CNTNAP4: variants seen among roughly 807,000 people sequenced by gnomAD.
CNTNAP4 encodes contactin associated protein family member 4.
CNTNAP4 carries 98 observed loss-of-function variants against 148.4 expected under a neutral mutation model. The observed-to-expected ratio is 0.66, with a 90% CI of 0.56 to 0.78. CNTNAP4 has a LOEUF of 0.78. Ranked by LOEUF, CNTNAP4 falls within the 30% of genes least tolerant of loss-of-function variation. CNTNAP4 has a pLI of 0.00. For missense variants in CNTNAP4, 1,935 were observed against 1,565.6 expected, an observed-to-expected ratio of 1.24 and a Z score of -3.98; for synonymous variants, 730 against 565.1, an observed-to-expected ratio of 1.29 and a Z score of -4.14.
chr16:76,320,040 G>A (rs746176703), intron 2 of CNTNAP4, among the ~76,000 whole-genome samples: 2 of 152,192 alleles, frequency 1.3e-5, no homozygotes, highest in African/African-American at 4.8e-5. Flanking sequence ...AAGGTTGGAA[G>A]AATTTTGAGG....
At chr16:76,334,190 TAA>T (rs1963815196) in intron 2 of CNTNAP4, among the ~76,000 whole-genome samples, 1 of 151,504 alleles carries the variant, frequency 6.6e-6, no homozygotes, top group South Asian at 2.1e-4. Flanking sequence ...ATAATAATAA[TAA>T]TAATAATAAT....
At chr16:76,460,470 A>G (rs2080898002) in intron 8 of CNTNAP4, among the ~76,000 whole-genome samples, 2 of 150,080 alleles carry the variant, frequency 1.3e-5, no homozygotes, top group African/African-American at 4.9e-5. Flanking sequence ...TTACATAAGA[A>G]TATAGTTAGG....
intron 3 of CNTNAP4, among the ~76,000 whole-genome samples, chr16:76,423,385 T>G (rs1409375768): frequency 6.6e-6 from 1 of 152,100 alleles, no homozygotes. Flanking sequence ...CCCCACAAAT[T>G]TAGTACACAG....
intron 2 of CNTNAP4, among the ~76,000 whole-genome samples, chr16:76,324,704 C>A (rs1439805611): frequency 6.6e-6 from 1 of 152,114 alleles, no homozygotes; most frequent in Non-Finnish European, 1.5e-5. Flanking sequence ...GATTTGATGT[C>A]TTGTTAGGGC....
chr16:76,357,950 C>A (rs1033439376), intron 3 of CNTNAP4, among the ~76,000 whole-genome samples: 3 of 152,096 alleles, frequency 2.0e-5, no homozygotes, highest in Non-Finnish European at 4.4e-5. Flanking sequence ...GGTGAAAGGA[C>A]CAATAAATGA....
intron 21 of CNTNAP4, among the ~76,000 whole-genome samples, chr16:76,550,401 T>C (rs541220674): frequency 1.3e-4 from 20 of 152,324 alleles, no homozygotes; most frequent in African/African-American, 4.6e-4. Flanking sequence ...TTAGCGGTCA[T>C]TGGTTTTTGT....
intron 3 of CNTNAP4, among the ~76,000 whole-genome samples, chr16:76,391,191 A>G (rs2016960590): frequency 6.6e-6 from 1 of 152,166 alleles, no homozygotes. Context: ...GTTGACAGCA[A>G]ATCACACTGA....
At chr16:76,500,186 T>C (rs1273952237) in intron 15 of CNTNAP4, among the ~76,000 whole-genome samples, 2 of 151,552 alleles carry the variant, frequency 1.3e-5, no homozygotes, top group Non-Finnish European at 2.9e-5. Context: ...GGGCGGGGGC[T>C]GCCCCCCACC....
intron 3 of CNTNAP4, among the ~76,000 whole-genome samples, chr16:76,367,339 A>G (rs1034132185): frequency 6.6e-5 from 10 of 152,164 alleles, no homozygotes; most frequent in Non-Finnish European, 1.0e-4. Context: ...CAATGTAAAG[A>G]TACACATGTA....
At chr16:76,360,230 G>C (rs1464204381) in intron 3 of CNTNAP4, among the ~76,000 whole-genome samples, 1 of 152,168 alleles carries the variant, frequency 6.6e-6, no homozygotes, top group East Asian at 1.9e-4. Flanking sequence ...CTGTGGCATG[G>C]TGTAGTCAGT....
In CNTNAP4 at chr16:76,475,963, C is replaced by G; in HGVS notation, c.1680C>G (p.His560Gln). The change falls in exon 11 of 24, where the codon CAC (histidine) becomes CAG (glutamine). Residue 560 changes from histidine (H) to glutamine (Q), a missense_variant. Physicochemically the swap from His to Gln is conservative, Grantham distance 24. Transcript: ENST00000611870. ...SDRCLPNYCE[H>Q]GGECSQSWST... ...GGTGTTTGCCCAACTATTGTGAACA[C>G]GGTGGGGAGTGTTCCCAGTCCTGGA... 6.2e-7 allele frequency: 1 copy of G among 1,613,610 alleles called. No homozygotes were observed. The highest frequency in any genetic ancestry group is 8.5e-7 in the Non-Finnish European group (1 of 1,179,562).
intron 3 of CNTNAP4, among the ~76,000 whole-genome samples, chr16:76,422,254 A>G (rs1430142411): frequency 2.0e-5 from 3 of 152,120 alleles, no homozygotes; most frequent in Non-Finnish European, 4.4e-5. Flanking sequence ...TATAAAGTTC[A>G]TTTTACTTCT....
rs150169301 is a variant in CNTNAP4 at position 76,296,644 on chromosome 16, C to CAG, written c.85+18915_85+18916dup. Among the ~76,000 whole-genome samples the CAG allele has an allele frequency of 5.6e-4, 83 of 149,160 alleles. 1 individual carries two copies. In the South Asian group the frequency reaches 0.014, roughly 26 times the overall value. On this transcript the variant is annotated intron_variant, in intron 1 of 23. Coordinates refer to ENST00000611870, the MANE Select transcript of CNTNAP4 (RefSeq NM_033401.5). ...TCTCAAAATGGACGAAAGAGAGAGG[C>CAG]AGAGAGAGAGAGAGAGAGAAGAAAG...
At chr16:76,557,216 T>C (rs946999295) in intron 23 of CNTNAP4, among the ~76,000 whole-genome samples, 19 of 152,362 alleles carry the variant, frequency 1.2e-4, no homozygotes, top group Middle Eastern at 3.4e-3. Context: ...ACTTGAATTT[T>C]ATCTTTCACA....
At chr16:76,543,729 T>C (rs539079833) in intron 21 of CNTNAP4, among the ~76,000 whole-genome samples, 33 of 152,332 alleles carry the variant, frequency 2.2e-4, no homozygotes, top group African/African-American at 7.5e-4. Context: ...TTGGAATGCC[T>C]GCTGTGACCT....
At chr16:76,549,478 C>G (rs1258294584) in intron 21 of CNTNAP4, among the ~76,000 whole-genome samples, 2 of 151,974 alleles carry the variant, frequency 1.3e-5, no homozygotes, top group African/African-American at 4.8e-5. Flanking sequence ...AAAAAGTAAA[C>G]TAACAAACCA....
intron 13 of CNTNAP4, among the ~76,000 whole-genome samples, chr16:76,491,563 T>G (rs925524890): frequency 8.5e-5 from 13 of 152,142 alleles, no homozygotes; most frequent in African/African-American, 2.9e-4. Context: ...CACTGTTTAG[T>G]TTGTAATGGG....
At chr16:76,553,740 A>G (rs2085070566) in intron 22 of CNTNAP4, 96 bp from the exon 23 acceptor site, 2 of 785,210 alleles carry the variant, frequency 2.5e-6, no homozygotes, top group African/African-American at 1.7e-5. Flanking sequence ...ATTCGCCTCC[A>G]TAATTCTCTG....
chr16:76,361,068 C>G (rs907661092), intron 3 of CNTNAP4, among the ~76,000 whole-genome samples: 2 of 152,014 alleles, frequency 1.3e-5, no homozygotes, highest in African/African-American at 4.8e-5. Flanking sequence ...CGTGGTCCGC[C>G]TGCCTCAACC....
Sources: allele counts gnomAD v4.1 joint callset (sites outside exome capture counted in the v4.1 genomes callset), GRCh38; gene constraint gnomAD v4.1.1; transcripts MANE v1.5; gene names NCBI Gene and HGNC (gene_info 2026-07-23, HGNC 2026-07-21).